The following CNOT10 variants were observed in gnomAD, a reference collection of about 807,000 sequenced individuals.
CNOT10 encodes CCR4-NOT transcription complex, subunit 10.
A neutral mutation model predicts 94.6 loss-of-function variants in CNOT10; 30 were observed. The ratio of observed to expected loss-of-function variants is 0.32; its 90% confidence interval spans 0.24 to 0.43. The LOEUF (loss-of-function observed/expected upper bound fraction) is 0.43. CNOT10 is among the 20% of genes least tolerant of loss of function. The pLI, the probability that CNOT10 is intolerant of heterozygous loss-of-function variation, is 1.00. For synonymous variants in CNOT10, 289 were observed against 301.6 expected (o/e 0.96, Z 0.43); for missense variants, 759 against 877.2 (o/e 0.87, Z 1.70).
intron 8 of CNOT10, among the ~76,000 whole-genome samples, chr3:32,721,632 G>A (rs1698414211): frequency 6.7e-6 from 1 of 148,334 alleles, no homozygotes; most frequent in African/African-American, 2.5e-5. Context: ...AGGAAGATAA[G>A]TATTATTACA....
rs556612447 is a variant in CNOT10, at chr3:32,766,291, C to T, written c.2004+1482C>T. ...TGCTGGGATTACAGGTGTGAGCCACCGTGCCCAGGTGCTTTTAAATTTTGA... is the reference window on the plus strand; with the variant it reads ...TGCTGGGATTACAGGTGTGAGCCACTGTGCCCAGGTGCTTTTAAATTTTGA... On this transcript the variant is annotated intron_variant, in intron 17 of 18. Transcript: ENST00000328834. 6.5e-5 allele frequency among the ~76,000 whole-genome samples: 3 copies of T among 46,392 alleles called. 1 individual carries two copies. Among genetic ancestry groups the T allele is most frequent in the African/African-American group, 2.0e-4 (3 of 14,940 alleles). The allele number at this position is 46,392 out of a possible 152,430, so 30.4% of individuals were successfully genotyped here.
At chr3:32,719,289 G>A (rs894619536) in intron 7 of CNOT10, among the ~76,000 whole-genome samples, 6 of 151,174 alleles carry the variant, frequency 4.0e-5, no homozygotes, top group Admixed American at 6.6e-5. Context: ...GCATGGTGGC[G>A]CATGCCTGTA....
chr3:32,753,228 T>TAC, intron 13 of CNOT10: 1 of 735,270 alleles, frequency 1.4e-6, no homozygotes, highest in Non-Finnish European at 2.5e-6. Flanking sequence ...GGACAAAAAT[T>TAC]AGATAGTGCA....
At chr3:32,689,622 A>AGTT (rs1403647406) in intron 1 of CNOT10, among the ~76,000 whole-genome samples, 2 of 152,140 alleles carry the variant, frequency 1.3e-5, no homozygotes, top group Non-Finnish European at 2.9e-5. Flanking sequence ...TGTCTGTGTT[A>AGTT]GTTGTGTTCT....
At chr3:32,734,688 T>C in intron 11 of CNOT10, 112 bp from the exon 12 acceptor site, 1 of 871,924 alleles carries the variant, frequency 1.1e-6, no homozygotes, top group Non-Finnish European at 1.7e-6. Flanking sequence ...AATTTCTACC[T>C]ATCAAAAGGC....
rs544411682 is a variant in CNOT10, at chr3:32,734,442, T to G, written c.1338-358T>G. On this transcript the variant is annotated intron_variant, in intron 11 of 18. Transcript: ENST00000328834. Reference sequence around the variant, plus strand: ...ACGTGAAAATCTGTTTTCTTCCCTTTCGTCCCATTCTTAGTATACCTCTCC... The same window carrying G: ...ACGTGAAAATCTGTTTTCTTCCCTTGCGTCCCATTCTTAGTATACCTCTCC... Among the ~76,000 whole-genome samples, 15 of 152,324 alleles carry G rather than the reference T, an allele frequency of 9.8e-5. No homozygotes were observed. In the South Asian group the frequency reaches 2.9e-3, roughly 29 times the overall value.
chr3:32,696,956 C>CTT (rs1220824270), intron 1 of CNOT10, among the ~76,000 whole-genome samples: 2 of 139,684 alleles, frequency 1.4e-5, no homozygotes, highest in African/African-American at 2.6e-5. Flanking sequence ...TTTTTCTTTT[C>CTT]TTTTTTTTTT....
intron 8 of CNOT10, among the ~76,000 whole-genome samples, chr3:32,724,432 A>T (rs1207806540): frequency 1.8e-5 from 2 of 109,340 alleles, no homozygotes; most frequent in Non-Finnish European, 1.9e-5. Flanking sequence ...TTTTTTTTTG[A>T]GACGGAGTCT....
chr3:32,765,035 A>AT (rs145656946), intron 17 of CNOT10: 91 of 1,407,484 alleles, frequency 6.5e-5, no homozygotes, highest in Middle Eastern at 3.7e-4. Context: ...TTTAAAAAAA[A>AT]TTTTTTTTTG....
intron 3 of CNOT10, among the ~76,000 whole-genome samples, chr3:32,706,797 A>T (rs1163133226): frequency 1.6e-4 from 24 of 152,218 alleles, no homozygotes; most frequent in Admixed American, 6.5e-5. Flanking sequence ...TCACTGTTTG[A>T]AGATACTGTT....
At chr3:32,710,912 G>C (rs1375022775) in intron 4 of CNOT10, among the ~76,000 whole-genome samples, 1 of 152,136 alleles carries the variant, frequency 6.6e-6, no homozygotes, top group Non-Finnish European at 1.5e-5. Context: ...TGCAGAGACT[G>C]GGTTTCACTA....
chr3:32,749,118 G>A (rs904247773), intron 13 of CNOT10, among the ~76,000 whole-genome samples: 5 of 151,834 alleles, frequency 3.3e-5, no homozygotes, highest in Admixed American at 6.6e-5. Context: ...CAACGCATCC[G>A]GCCAAGAGTT....
intron 17 of CNOT10, among the ~76,000 whole-genome samples, chr3:32,768,512 G>A (rs1011129746): frequency 3.3e-5 from 5 of 152,060 alleles, no homozygotes; most frequent in Admixed American, 6.6e-5. Context: ...GAACCCAGGA[G>A]GCGGAGGTTG....
Position 32,727,692 on chromosome 3 carries a change from T to C in CNOT10, c.1037T>C (p.Met346Thr), listed in dbSNP as rs1350721559. Residue 346 changes from methionine to threonine, a missense_variant, in exon 10 of 19, where the codon ATG becomes ACG. Physicochemically the swap from Met to Thr is moderately conservative, Grantham distance 81 (BLOSUM62 -1). Around this residue, in one of 3 missense-constraint regions of CNOT10, gnomAD observed 682 missense variants for 799.4 expected, o/e 0.85. Coordinates refer to ENST00000328834, the MANE Select transcript of CNOT10 (RefSeq NM_015442.3). ...DPGKKFSGRP[M>T]CTLLTNKRYE... is the part of the protein sequence containing the mutation. ...GGTAAAAAATTTTCAGGAAGACCCA[T>C]GTGTACGTTACTAACCAATAAGAGA... 7 of 1,613,512 alleles carry C rather than the reference T, an allele frequency of 4.3e-6. No individual in the cohort carries two copies. The highest frequency in any genetic ancestry group is 3.3e-5 in the Admixed American group (2 of 59,870).
chr3:32,728,923 A>AC (rs1274837038), intron 10 of CNOT10, among the ~76,000 whole-genome samples: 1 of 152,070 alleles, frequency 6.6e-6, no homozygotes, highest in East Asian at 1.9e-4. Flanking sequence ...ACACAGTGAA[A>AC]CCCCCGTCTC....
chr3:32,698,671 C>T (rs751536519), intron 1 of CNOT10, among the ~76,000 whole-genome samples: 2 of 152,146 alleles, frequency 1.3e-5, no homozygotes, highest in Non-Finnish European at 2.9e-5. Context: ...AAGACTTGTG[C>T]TCTTTTAATT....
At chr3:32,767,153 G>A (rs1700678834) in intron 17 of CNOT10, among the ~76,000 whole-genome samples, 1 of 152,200 alleles carries the variant, frequency 6.6e-6, no homozygotes, top group African/African-American at 2.4e-5. Context: ...TCCAGCAGCA[G>A]ATGAGAAGGC....
chr3:32,692,659 C>G (rs1696899201), intron 1 of CNOT10, among the ~76,000 whole-genome samples: 1 of 152,086 alleles, frequency 6.6e-6, no homozygotes, highest in African/African-American at 2.4e-5. Context: ...TGATTCTTTC[C>G]TCAATCAGTT....
intron 13 of CNOT10, chr3:32,754,015 G>A (rs1700084128): frequency 3.8e-6 from 2 of 527,886 alleles, no homozygotes; most frequent in Non-Finnish European, 6.4e-6. Flanking sequence ...CAGGAGAATT[G>A]CTTGAACCCA....
Sources: allele counts gnomAD v4.1 joint callset (sites outside exome capture counted in the v4.1 genomes callset), GRCh38; gene constraint gnomAD v4.1.1; regional missense constraint gnomAD v4.1.1; transcripts MANE v1.5; gene names NCBI Gene and HGNC (gene_info 2026-07-23, HGNC 2026-07-21).